The following HAO1 variants were observed in gnomAD, a reference collection of about 807,000 sequenced individuals.
The protein encoded by HAO1 is 2-Hydroxyacid oxidase 1.
In HAO1, 34 loss-of-function variants were observed where a neutral mutation model predicts 39.7. The ratio of observed to expected loss-of-function variants is 0.86; its 90% CI spans 0.65 to 1.14. The LOEUF (loss-of-function observed/expected upper bound fraction) is 1.14. HAO1 is among the 50% of genes most tolerant of loss of function. HAO1 has a pLI of 0.00. For missense variants in HAO1, 479 were observed against 464.5 expected (o/e 1.03, Z -0.29); for synonymous variants, 172 against 173.2 (o/e 0.99, Z 0.05).
At chr20:7,905,526 C>A (rs1191738779) in intron 4 of HAO1, among the ~76,000 whole-genome samples, 2 of 152,142 alleles carry the variant, frequency 1.3e-5, no homozygotes, top group East Asian at 3.8e-4. Flanking sequence ...TGTGGGTAAA[C>A]ACATTTACAC....
chr20:7,913,330 T>C (rs2050289459), intron 3 of HAO1, among the ~76,000 whole-genome samples: 1 of 152,158 alleles, frequency 6.6e-6, no homozygotes. Flanking sequence ...AAACTAAGAT[T>C]TTGATCCCTT....
intron 3 of HAO1, among the ~76,000 whole-genome samples, chr20:7,910,295 G>A (rs889682962): frequency 6.6e-6 from 1 of 152,192 alleles, no homozygotes; most frequent in African/African-American, 2.4e-5. Context: ...GAAACTTTAA[G>A]TATGTATGGT....
chr20:7,890,955 C>A (rs941383061), intron 5 of HAO1, among the ~76,000 whole-genome samples: 7 of 152,080 alleles, frequency 4.6e-5, no homozygotes, highest in African/African-American at 1.7e-4. Context: ...GATTGATGGG[C>A]TTTTGGGTTG....
At chr20:7,895,504 A>T (rs552572233) in intron 4 of HAO1, among the ~76,000 whole-genome samples, 4 of 152,268 alleles carry the variant, frequency 2.6e-5, no homozygotes, top group African/African-American at 9.6e-5. Context: ...GTTTATCTTT[A>T]TAAGGGTATA....
At chr20:7,884,738 G>A (rs772525498) in intron 7 of HAO1, among the ~76,000 whole-genome samples, 8 of 152,160 alleles carry the variant, frequency 5.3e-5, no homozygotes, top group Non-Finnish European at 8.8e-5. Context: ...CAAACCATAT[G>A]AGGCCTTGTA....
chr20:7,924,668 C>G (rs148098640), intron 2 of HAO1, among the ~76,000 whole-genome samples: 3 of 151,780 alleles, frequency 2.0e-5, no homozygotes, highest in African/African-American at 4.8e-5. Flanking sequence ...TAATTTAGAC[C>G]CAAATAATTT....
intron 4 of HAO1, among the ~76,000 whole-genome samples, chr20:7,898,969 CTTAAACATAGACAATG>C (rs2050209482): frequency 6.6e-6 from 1 of 151,260 alleles, no homozygotes; most frequent in Non-Finnish European, 1.5e-5. Flanking sequence ...CAAAAAACCA[CTTAAACATAGACAATG>C]GTATTTTTTC....
intron 2 of HAO1, among the ~76,000 whole-genome samples, chr20:7,925,143 A>C (rs2050353418): frequency 6.6e-6 from 1 of 152,224 alleles, no homozygotes; most frequent in African/African-American, 2.4e-5. Context: ...AATTGAGATT[A>C]ACCAGAAAAA....
intron 5 of HAO1, 94 bp downstream of exon 5, chr20:7,895,039 A>G: frequency 2.4e-6 from 2 of 820,582 alleles, no homozygotes; most frequent in East Asian, 2.4e-5. Flanking sequence ...TGATTACACA[A>G]AGTACACACA....
Position 7,883,488 on chromosome 20 carries a change from T to C in HAO1, c.*105A>G, listed in dbSNP as rs2050136873. On this transcript the variant is annotated 3_prime_UTR_variant, in exon 8 of 8. Coordinates refer to ENST00000378789, the MANE Select transcript of HAO1 (RefSeq NM_017545.3). Reference sequence around the variant, plus strand: ...TTGGAAAAGAACGACACCCTTTGTATTGAAGTGGGGAATTACAGACTGTGG... The same window carrying C: ...TTGGAAAAGAACGACACCCTTTGTACTGAAGTGGGGAATTACAGACTGTGG... The C allele has an allele frequency of 4.8e-6, 4 of 834,420 alleles. No homozygotes were observed. Among genetic ancestry groups the C allele is most frequent in the African/African-American group, 1.7e-5 (1 of 59,868 alleles). The allele number at this position is 834,420 out of a possible 1,614,324, so 51.7% of individuals were successfully genotyped here. A position where few individuals can be genotyped will look rare whatever the true frequency, so the allele number is the denominator to read the frequency against.
chr20:7,932,003 A>T (rs1052606719), intron 2 of HAO1, among the ~76,000 whole-genome samples: 6 of 152,180 alleles, frequency 3.9e-5, no homozygotes, highest in African/African-American at 1.4e-4. Context: ...TTATAATCCC[A>T]GGTGTTGAGG....
chr20:7,918,646 G>C (rs1271621193), intron 2 of HAO1, among the ~76,000 whole-genome samples: 1 of 152,290 alleles, frequency 6.6e-6, no homozygotes, highest in East Asian at 1.9e-4. Flanking sequence ...TAGAGCGCTA[G>C]AGACCAGCAG....
intron 2 of HAO1, among the ~76,000 whole-genome samples, chr20:7,914,867 C>T (rs1396361642): frequency 6.6e-6 from 1 of 152,126 alleles, no homozygotes; most frequent in African/African-American, 2.4e-5. Context: ...GCCTGTAATC[C>T]CAGCACTTTG....
chr20:7,935,476 G>A (rs552781097), intron 1 of HAO1, among the ~76,000 whole-genome samples: 2 of 152,056 alleles, frequency 1.3e-5, no homozygotes, highest in African/African-American at 2.4e-5. Flanking sequence ...GCAGCTTCAG[G>A]CAATTACTTT....
At chr20:7,927,186 A>G (rs2050363152) in intron 2 of HAO1, among the ~76,000 whole-genome samples, 2 of 152,118 alleles carry the variant, frequency 1.3e-5, no homozygotes, top group South Asian at 4.1e-4. Context: ...TGGTATAGTA[A>G]GCATTTTATT....
chr20:7,887,593 G>A, intron 5 of HAO1, among the ~76,000 whole-genome samples: 1 of 152,064 alleles, frequency 6.6e-6, no homozygotes, highest in East Asian at 1.9e-4. Flanking sequence ...ATTCAGGCAA[G>A]TTACATCAAC....
intron 1 of HAO1, among the ~76,000 whole-genome samples, chr20:7,937,304 T>C (rs1438057953): frequency 6.6e-6 from 1 of 152,172 alleles, no homozygotes; most frequent in Non-Finnish European, 1.5e-5. Context: ...TCATGTTTTG[T>C]AAGTTGTGTA....
intron 2 of HAO1, among the ~76,000 whole-genome samples, chr20:7,926,466 C>G (rs763022124): frequency 9.2e-5 from 14 of 152,054 alleles, no homozygotes; most frequent in Non-Finnish European, 1.5e-4. Context: ...TCGCCTAGCA[C>G]AACACATAAA....
rs1314379334 is a variant in HAO1, at chr20:7,934,985, G to T, written c.138-350C>A. ...AAAAAGTTCAATCATTCCCAAAAAA[G>T]TCCCCATTTTCTTTTGCAGAGAAAC... On this transcript the variant is annotated intron_variant, in intron 1 of 7. Coordinates refer to ENST00000378789, the MANE Select transcript of HAO1 (RefSeq NM_017545.3). 4.0e-5 allele frequency among the ~76,000 whole-genome samples: 6 copies of T among 148,184 alleles called. No individual in the cohort carries two copies. In the East Asian group the frequency reaches 9.6e-4, roughly 24 times the overall value.
Sources: gnomAD v4.1 joint callset for allele counts (sites outside exome capture counted in the v4.1 genomes callset) on GRCh38, gnomAD v4.1.1 for gene constraint, MANE v1.5 for transcripts, NCBI Gene and HGNC (gene_info 2026-07-23, HGNC 2026-07-21) for gene names.